Variants in NAV3 observed in about 807,000 individuals in gnomAD.
NAV3 encodes pore membrane and/or filament interacting like protein 1.
NAV3 carries 87 observed loss-of-function variants against 244.7 expected under a neutral mutation model. That is an observed-to-expected ratio of 0.36 (90% CI 0.30 to 0.42). The LOEUF (loss-of-function observed/expected upper bound fraction) is 0.42, where lower values mean the gene tolerates loss of function less well. Ranked by LOEUF, NAV3 falls within the 20% of genes least tolerant of loss-of-function variation. NAV3 has a pLI of 1.00. For missense variants in NAV3, 2,663 were observed against 2,893.3 expected, an observed-to-expected ratio of 0.92 and a Z score of 1.83; for synonymous variants, 1,126 against 1,042.2, an observed-to-expected ratio of 1.08 and a Z score of -1.55.
At chr12:77,818,049 T>C (rs1872586600) in intron 2 of NAV3, among the ~76,000 whole-genome samples, 1 of 152,096 alleles carries the variant, frequency 6.6e-6, no homozygotes, top group Non-Finnish European at 1.5e-5. Flanking sequence ...TAAATATATG[T>C]ATAAACTAGC....
chr12:77,837,677 A>AT (rs1342597553), intron 1 of NAV3, among the ~76,000 whole-genome samples: 3 of 152,198 alleles, frequency 2.0e-5, no homozygotes, highest in South Asian at 2.1e-4. Flanking sequence ...GCAGCAATAA[A>AT]TACTTCTTTC....
Position 78,051,008 on chromosome 12 carries a change from C to G in NAV3, c.2377C>G (p.Leu793Val), listed in dbSNP as rs774887636. Residue 793 changes from leucine (L) to valine (V), a missense_variant, in exon 11 of 40, where the codon CTG becomes GTG. By Grantham distance (32) the Leu-to-Val change is conservative (BLOSUM62 1). This residue lies in a region of NAV3 where 1,521 missense variants were observed against 1,497.0 expected (regional missense o/e 1.02). Transcript: ENST00000397909. ...TPLRRAAVSRLGNMSQIDMSE... is the reference protein window; with the variant it reads ...TPLRRAAVSRVGNMSQIDMSE... ...TCTCCGTCGAGCTGCTGTCTCTAGG[C>G]TGGGAAACATGTCACAGATTGACAT... 2.1e-5 allele frequency: 34 copies of G among 1,613,986 alleles called. No individual in the cohort carries two copies. In the South Asian group the frequency reaches 3.6e-4, roughly 17 times the overall value.
chr12:77,689,830 T>C (rs1874923788), intron 2 of NAV3, among the ~76,000 whole-genome samples: 1 of 151,900 alleles, frequency 6.6e-6, no homozygotes, highest in Non-Finnish European at 1.5e-5. Context: ...TAGAATTTCA[T>C]AAACTTTAAT....
chr12:77,628,844 T>TCTCATCAC (rs895078004), intron 2 of NAV3, among the ~76,000 whole-genome samples: 1 of 147,826 alleles, frequency 6.8e-6, no homozygotes, highest in African/African-American at 2.6e-5. Flanking sequence ...TGAGCCATGA[T>TCTCATCAC]CTCATCACCA....
At chr12:77,984,133 T>C (rs1357763428) in intron 5 of NAV3, among the ~76,000 whole-genome samples, 1 of 152,212 alleles carries the variant, frequency 6.6e-6, no homozygotes, top group East Asian at 1.9e-4. Flanking sequence ...CTAAGTCCTG[T>C]GGGACTTATG....
chr12:77,934,934 T>C (rs1889182958), intron 1 of NAV3, among the ~76,000 whole-genome samples: 1 of 152,186 alleles, frequency 6.6e-6, no homozygotes, highest in East Asian at 1.9e-4. Context: ...TTAGTGTGTT[T>C]TTATTCAAAC....
At chr12:77,615,934 G>A (rs1345413452) in intron 2 of NAV3, among the ~76,000 whole-genome samples, 2 of 152,046 alleles carry the variant, frequency 1.3e-5, no homozygotes, top group Non-Finnish European at 2.9e-5. Flanking sequence ...GGGGCAGAGG[G>A]GGACATTATC....
chr12:78,129,437 T>A (rs1211039669), intron 18 of NAV3, among the ~76,000 whole-genome samples: 2 of 152,168 alleles, frequency 1.3e-5, no homozygotes, highest in Non-Finnish European at 2.9e-5. Context: ...GTTAAGACAA[T>A]ACTCTGAACA....
chr12:78,140,388 T>G (rs1431759628), intron 20 of NAV3, 54 bp downstream of exon 20: 1 of 1,385,516 alleles, frequency 7.2e-7, no homozygotes, highest in Admixed American at 1.7e-5. Context: ...ACACAGATGA[T>G]GAAATAGATC....
intron 2 of NAV3, among the ~76,000 whole-genome samples, chr12:77,662,318 G>A (rs78906526): frequency 0.04 from 6,031 of 150,376 alleles, 168 homozygotes; most frequent in Non-Finnish European, 0.063. Context: ...TATAATTTTC[G>A]GTTTATGCGT....
At chr12:78,128,561 T>G in intron 17 of NAV3, 145 bp from the exon 18 acceptor site, 2 of 779,662 alleles carry the variant, frequency 2.6e-6, no homozygotes, top group Non-Finnish European at 3.8e-6. Context: ...TAAGATCATC[T>G]GGAAGAACTG....
intron 20 of NAV3, among the ~76,000 whole-genome samples, chr12:78,143,693 CTG>C (rs1956733609): frequency 1.3e-5 from 2 of 150,634 alleles, no homozygotes; most frequent in South Asian, 2.1e-4. Flanking sequence ...TAAGCCAACA[CTG>C]TGAAATATTG....
intron 12 of NAV3, among the ~76,000 whole-genome samples, chr12:78,074,204 T>C (rs754771947): frequency 6.6e-6 from 1 of 152,170 alleles, no homozygotes; most frequent in Non-Finnish European, 1.5e-5. Flanking sequence ...TTGGGAATTT[T>C]AGGATCAAAT....
chr12:77,657,031 G>A (rs367800794), intron 2 of NAV3, among the ~76,000 whole-genome samples: 104 of 152,044 alleles, frequency 6.8e-4, no homozygotes, highest in South Asian at 1.7e-3. Flanking sequence ...TGACACCCTA[G>A]CATCACAATT....
chr12:77,882,162 C>T (rs115464280), intron 1 of NAV3, among the ~76,000 whole-genome samples: 1 of 152,300 alleles, frequency 6.6e-6, no homozygotes, highest in African/African-American at 2.4e-5. Context: ...CATCACACTA[C>T]ATGACTTCAA....
At chr12:77,873,744 G>GTGTGTGTGTGTA (rs776225440) in intron 1 of NAV3, among the ~76,000 whole-genome samples, 5 of 73,180 alleles carry the variant, frequency 6.8e-5, no homozygotes, top group Non-Finnish European at 1.2e-4. Context: ...ATGTGTGTGT[G>GTGTGTGTGTGTA]TATATATATA....
chr12:77,687,955 A>G (rs771577402), intron 2 of NAV3, among the ~76,000 whole-genome samples: 3 of 152,128 alleles, frequency 2.0e-5, no homozygotes, highest in Non-Finnish European at 4.4e-5. Context: ...CATAAAGATA[A>G]AATTGTTAGC....
chr12:77,884,575 A>G (rs1481223577), intron 1 of NAV3, among the ~76,000 whole-genome samples: 1 of 152,182 alleles, frequency 6.6e-6, no homozygotes, highest in African/African-American at 2.4e-5. Context: ...TCCCAGCTAC[A>G]GCACAGAGAG....
At chr12:77,876,645 A>G (rs757820839) in intron 1 of NAV3, among the ~76,000 whole-genome samples, 4 of 152,046 alleles carry the variant, frequency 2.6e-5, no homozygotes, top group Admixed American at 1.3e-4. Flanking sequence ...CCAAACCCCT[A>G]TATTTTGAAA....
Sources: allele counts gnomAD v4.1 joint callset (sites outside exome capture counted in the v4.1 genomes callset), GRCh38; gene constraint gnomAD v4.1.1; regional missense constraint gnomAD v4.1.1; transcripts MANE v1.5; gene names NCBI Gene and HGNC (gene_info 2026-07-23, HGNC 2026-07-21).